Variants in TRRAP observed in about 807,000 individuals in gnomAD.
TRRAP encodes the protein transformation/transcription domain-associated protein.
Under a neutral mutation model 438.8 loss-of-function variants are expected in TRRAP, and 41 were observed. The observed-to-expected ratio is 0.09, with a 90% CI of 0.07 to 0.12. The LOEUF (loss-of-function observed/expected upper bound fraction) is 0.12, where lower values mean the gene tolerates loss of function less well. Among genes scored for constraint, TRRAP ranks in the 10% least tolerant of loss-of-function variants. The probability of loss-of-function intolerance (pLI) is 1.00; values close to 1 mark genes in which losing one functional copy is unlikely to be tolerated. For synonymous variants in TRRAP, 1,994 were observed against 1,962.9 expected, an observed-to-expected ratio of 1.02 and a Z score of -0.42; for missense variants, 3,122 against 5,055.1, an observed-to-expected ratio of 0.62 and a Z score of 11.60.
intron 21 of TRRAP, 76 bp from the exon 22 acceptor site, chr7:98,925,036 A>G (rs1473972517): frequency 1.3e-6 from 2 of 1,527,942 alleles, no homozygotes; most frequent in Non-Finnish European, 1.8e-6. Flanking sequence ...TGGGTGCTGC[A>G]GATGCTTTCA....
At chr7:98,900,796 A>G in intron 11 of TRRAP, 76 bp downstream of exon 11, 1 of 1,245,846 alleles carries the variant, frequency 8.0e-7, no homozygotes, top group Non-Finnish European at 1.1e-6. Context: ...GTGGGTGTAC[A>G]GTTCTAGGAA....
intron 3 of TRRAP, among the ~76,000 whole-genome samples, chr7:98,884,516 T>G (rs1234901994): frequency 6.6e-6 from 1 of 152,192 alleles, no homozygotes; most frequent in Non-Finnish European, 1.5e-5. Context: ...ATTACAAACG[T>G]GAGCCACCAT....
chr7:98,900,247 C>T (rs1338510165), intron 10 of TRRAP, among the ~76,000 whole-genome samples: 2 of 152,144 alleles, frequency 1.3e-5, no homozygotes, highest in African/African-American at 2.4e-5. Flanking sequence ...TGGAGCCCGT[C>T]TGGCTGTGTC....
At chr7:98,990,762 A>G (rs1793397427) in intron 64 of TRRAP, 143 bp downstream of exon 64, 1 of 886,598 alleles carries the variant, frequency 1.1e-6, no homozygotes, top group Non-Finnish European at 1.6e-6. Context: ...TCATGTAGAT[A>G]TTATTTAATA....
intron 67 of TRRAP, among the ~76,000 whole-genome samples, chr7:99,002,721 A>G (rs559017554): frequency 6.6e-6 from 1 of 152,194 alleles, no homozygotes; most frequent in East Asian, 1.9e-4. Context: ...GACAAGTGCT[A>G]TGAAAAAAAA....
At position 98,899,703 on chromosome 7, in the gene TRRAP, G is replaced by A. The variant is rs1554406336; in HGVS notation, c.736G>A (p.Val246Ile). 2.5e-6 allele frequency: 4 copies of A among 1,614,158 alleles called. No homozygotes were observed. Among genetic ancestry groups the A allele is most frequent in the East Asian group, 4.5e-5 (2 of 44,878 alleles). The change falls in exon 10 of 73, where the codon GTT (valine) becomes ATT (isoleucine). Residue 246 changes from valine (V) to isoleucine (I), a missense_variant. Val to Ile is a conservative substitution (Grantham distance 29, BLOSUM62 3). Coordinates refer to ENST00000456197, the MANE Select transcript of TRRAP (RefSeq NM_001375524.1). ...GCTCTACAAACTGAACATCCACAAT[G>A]TTGTTGCTGAGTTTGTGCCCTTGAT... is the stretch of plus-strand genomic sequence containing the variant. Reference protein sequence around the residue: ...YQLYKLNIHNVVAEFVPLIMN... With the variant: ...YQLYKLNIHNIVAEFVPLIMN...
chr7:98,891,657 T>TCC (rs1352486846), intron 4 of TRRAP, among the ~76,000 whole-genome samples: 1 of 150,592 alleles, frequency 6.6e-6, no homozygotes, highest in African/African-American at 2.5e-5. Flanking sequence ...TGCCTCAGCC[T>TCC]CCCGAGTAGC....
intron 20 of TRRAP, among the ~76,000 whole-genome samples, chr7:98,920,363 G>A (rs1420071036): frequency 2.6e-5 from 4 of 152,050 alleles, no homozygotes; most frequent in Non-Finnish European, 5.9e-5. Flanking sequence ...CTGCTCAGGA[G>A]GCTGAGGTGG....
In TRRAP at chr7:98,953,409, C is replaced by T; in HGVS notation, c.5706C>T (p.Ala1902=). The T allele has an allele frequency of 6.2e-7, 1 of 1,612,410 alleles. No individual in the cohort carries two copies. The highest frequency in any genetic ancestry group is 8.5e-7 in the Non-Finnish European group (1 of 1,180,018). The change falls in exon 40 of 73, where the codon GCC becomes GCT. Residue 1902 remains alanine, a synonymous_variant. Coordinates refer to ENST00000456197, the MANE Select transcript of TRRAP (RefSeq NM_001375524.1). ...TGGCGCACATTATCGCCAAATTCGC[C>T]ATACACAAGAAGATCGTCCTGCAGG... is the stretch of plus-strand genomic sequence containing the variant. ...LLLAHIIAKF[A]IHKKIVLQVF... is the part of the protein sequence containing the mutation.
At chr7:98,887,745 A>AAT (rs1274729803) in intron 3 of TRRAP, among the ~76,000 whole-genome samples, 2 of 116,942 alleles carry the variant, frequency 1.7e-5, no homozygotes, top group Non-Finnish European at 3.0e-5. Flanking sequence ...AAAAAAAAAA[A>AAT]AAAAACTGCA....
chr7:98,982,146 T>G (rs1792959868), intron 59 of TRRAP, among the ~76,000 whole-genome samples, 186 bp downstream of exon 59: 1 of 152,148 alleles, frequency 6.6e-6, no homozygotes, highest in South Asian at 2.1e-4. Context: ...GAGAAAAACA[T>G]GTCGGTGTTT....
chr7:99,011,965 G>A lies in TRRAP; in HGVS notation c.11338-106G>A. The A allele has an allele frequency of 7.0e-7, 1 of 1,422,304 alleles. No homozygotes were observed. The highest frequency in any genetic ancestry group is 1.4e-5 in the South Asian group (1 of 73,112). 88.1% of individuals were successfully genotyped at this position (1,422,304 alleles called of 1,614,324 possible). ...TGGTGCTGAAACTCGACTGGCCCTT[G>A]GTGGCCCTGAGCGGCCGCTGTGGTT... On this transcript the variant is annotated intron_variant, in intron 72 of 72. Coordinates refer to ENST00000456197, the MANE Select transcript of TRRAP (RefSeq NM_001375524.1). The surrounding 1 kb of genome is among the most constrained non-coding windows in gnomAD (Gnocchi z 7.1).
intron 1 of TRRAP, among the ~76,000 whole-genome samples, chr7:98,880,736 T>A (rs187147181): frequency 6.6e-6 from 1 of 152,356 alleles, no homozygotes; most frequent in African/African-American, 2.4e-5. Context: ...GTTGTCTGTC[T>A]GTGACTGCTT....
chr7:98,965,686 G>C lies in TRRAP; in HGVS notation c.6977-10G>C. 1 of 1,613,880 alleles carries C rather than the reference G, an allele frequency of 6.2e-7. No individual in the cohort carries two copies. The highest frequency in any genetic ancestry group is 2.2e-5 in the East Asian group (1 of 44,876). On this transcript the variant is annotated splice_polypyrimidine_tract_variant and intron_variant, in intron 48 of 72. Transcript: ENST00000456197. ...AGACCCGTGGGTTTGTTCTTAATTG[G>C]GGCGAGCAGGTACAAGCGAGCTGGT...
chr7:98,951,332 T>C (rs1791328919), intron 39 of TRRAP, among the ~76,000 whole-genome samples: 1 of 152,160 alleles, frequency 6.6e-6, no homozygotes, highest in Admixed American at 6.6e-5. Flanking sequence ...CAGCAGAGTT[T>C]CTGTGTTCCA....
At chr7:98,901,332 C>T (rs797028018) in intron 11 of TRRAP, among the ~76,000 whole-genome samples, 4 of 152,216 alleles carry the variant, frequency 2.6e-5, no homozygotes, top group Non-Finnish European at 4.4e-5. Context: ...CGGCTGCAGC[C>T]GTATGACCTC....
intron 31 of TRRAP, among the ~76,000 whole-genome samples, chr7:98,943,812 C>T (rs1790914454): frequency 6.6e-6 from 1 of 152,154 alleles, no homozygotes; most frequent in East Asian, 1.9e-4. Context: ...CAGCAGTATT[C>T]CTATTAGGGA....
intron 23 of TRRAP, among the ~76,000 whole-genome samples, chr7:98,928,733 G>T (rs751245425): frequency 6.6e-6 from 1 of 151,840 alleles, no homozygotes; most frequent in Non-Finnish European, 1.5e-5. Context: ...TTTAAAAAAT[G>T]TTACCCCATT....
chr7:98,972,077 T>C (rs1792441221), intron 53 of TRRAP, 132 bp downstream of exon 53: 3 of 1,282,362 alleles, frequency 2.3e-6, no homozygotes, highest in Non-Finnish European at 3.1e-6. Flanking sequence ...GGATGTTGCT[T>C]TGTCACCCAG....
Sources: gnomAD v4.1 joint callset for allele counts (sites outside exome capture counted in the v4.1 genomes callset) on GRCh38, gnomAD v4.1.1 for gene constraint, Gnocchi (gnomAD v3.1) non-coding constraint, MANE v1.5 for transcripts, NCBI Gene and HGNC (gene_info 2026-07-23, HGNC 2026-07-21) for gene names.